The following CACNA1E variants were observed in gnomAD, a reference collection of about 807,000 sequenced individuals.
The protein encoded by CACNA1E is calcium voltage-gated channel subunit alpha1 E, also known as voltage-dependent R-type calcium channel subunit alpha-1E.
CACNA1E carries 40 observed loss-of-function variants against 259.2 expected under a neutral mutation model. The ratio of observed to expected loss-of-function variants is 0.15; its 90% CI spans 0.12 to 0.20. The LOEUF is 0.20. Among genes scored for constraint, CACNA1E ranks in the 10% least tolerant of loss-of-function variants. The probability of loss-of-function intolerance (pLI) is 1.00; values close to 1 mark genes in which losing one functional copy is unlikely to be tolerated. For missense variants in CACNA1E, 1,874 were observed against 3,040.1 expected (o/e 0.62, Z 9.02); for synonymous variants, 1,104 against 1,138.5 (o/e 0.97, Z 0.61).
chr1:181,332,642 G>A (rs1020268785), intron 1 of CACNA1E, among the ~76,000 whole-genome samples: 1 of 152,184 alleles, frequency 6.6e-6, no homozygotes, highest in Non-Finnish European at 1.5e-5. Flanking sequence ...TTTGGTGGGT[G>A]GGGAGCACAT....
chr1:181,571,703 C>G (rs1049571696), intron 3 of CACNA1E, among the ~76,000 whole-genome samples: 13 of 152,328 alleles, frequency 8.5e-5, no homozygotes, highest in South Asian at 4.1e-4. Context: ...AGCCTTTTCT[C>G]ACAGATGCTG....
At chr1:181,519,168 G>A (rs1214873967) in intron 3 of CACNA1E, among the ~76,000 whole-genome samples, 3 of 152,188 alleles carry the variant, frequency 2.0e-5, no homozygotes, top group African/African-American at 7.2e-5. Context: ...GGTGGATATG[G>A]CATAAATGCG....
At chr1:181,543,325 G>T (rs1403680327) in intron 3 of CACNA1E, among the ~76,000 whole-genome samples, 3 of 152,174 alleles carry the variant, frequency 2.0e-5, no homozygotes, top group African/African-American at 7.2e-5. Context: ...AGGTTCCTGA[G>T]TAAGAGCTTA....
chr1:181,787,918 T>TG (rs914366857), intron 43 of CACNA1E, among the ~76,000 whole-genome samples: 3 of 152,192 alleles, frequency 2.0e-5, no homozygotes, highest in Non-Finnish European at 4.4e-5. Context: ...GCTAGTACTT[T>TG]GGGGGCATTA....
chr1:181,498,234 G>T (rs959110953), intron 1 of CACNA1E, among the ~76,000 whole-genome samples: 1 of 152,150 alleles, frequency 6.6e-6, no homozygotes, highest in African/African-American at 2.4e-5. Context: ...GGGTTATAGA[G>T]AGACTGCAGA....
intron 2 of CACNA1E, among the ~76,000 whole-genome samples, chr1:181,457,055 A>G (rs1398603372): frequency 6.6e-6 from 1 of 152,250 alleles, no homozygotes; most frequent in East Asian, 1.9e-4. Flanking sequence ...AAAGTACCAC[A>G]AAGTAAGTGG....
intron 3 of CACNA1E, among the ~76,000 whole-genome samples, chr1:181,564,576 C>T (rs1649634904): frequency 6.6e-6 from 1 of 152,150 alleles, no homozygotes; most frequent in Admixed American, 6.6e-5. Flanking sequence ...CTTCCAAATT[C>T]TTGTTTATGT....
In CACNA1E at chr1:181,567,519, G is replaced by A. The variant is rs1363274748; in HGVS notation, c.513-10247G>A. ...ACCAACCAATCAGAAACAGGTCACT[G>A]CCCCATGACAGTTTTGAAGTGTGTG... On this transcript the variant is annotated intron_variant, in intron 3 of 47. Coordinates refer to ENST00000367573, the MANE Select transcript of CACNA1E (RefSeq NM_001205293.3). Among the ~76,000 whole-genome samples, 2 of 152,176 alleles carry A rather than the reference G, an allele frequency of 1.3e-5. 1 individual carries two copies. Among genetic ancestry groups the A allele is most frequent in the Admixed American group, 1.3e-4 (2 of 15,286 alleles).
chr1:181,733,374 A>G (rs1655701813), intron 20 of CACNA1E, 63 bp from the exon 21 acceptor site: 1 of 1,393,148 alleles, frequency 7.2e-7, no homozygotes, highest in Non-Finnish European at 9.7e-7. Context: ...CCCTTGTGCC[A>G]GGCACACCTG....
chr1:181,634,196 T>A (rs1223863737), intron 6 of CACNA1E, among the ~76,000 whole-genome samples: 1 of 152,228 alleles, frequency 6.6e-6, no homozygotes, highest in African/African-American at 2.4e-5. Context: ...CACTTTGCTC[T>A]TCTTTAAAAT....
intron 1 of CACNA1E, among the ~76,000 whole-genome samples, chr1:181,506,979 G>C (rs1390139605): frequency 1.3e-5 from 2 of 151,984 alleles, no homozygotes; most frequent in Non-Finnish European, 2.9e-5. Flanking sequence ...CTGAGGTCTA[G>C]ATGCCCTATA....
At chr1:181,473,734 T>C (rs577786057) in intron 2 of CACNA1E, among the ~76,000 whole-genome samples, 1 of 152,320 alleles carries the variant, frequency 6.6e-6, no homozygotes, top group African/African-American at 2.4e-5. Flanking sequence ...GAAATCTCTA[T>C]TCTCTAGCTC....
At chr1:181,773,694 G>A (rs560447004) in intron 37 of CACNA1E, among the ~76,000 whole-genome samples, 1 of 152,346 alleles carries the variant, frequency 6.6e-6, no homozygotes, top group African/African-American at 2.4e-5. Context: ...CCAGCTCACA[G>A]CTTCCAGGAA....
chr1:181,650,388 G>T (rs971757537), intron 6 of CACNA1E, among the ~76,000 whole-genome samples: 1 of 152,316 alleles, frequency 6.6e-6, no homozygotes, highest in Non-Finnish European at 1.5e-5. Flanking sequence ...CTTAGAGTTT[G>T]TGTGTGAGAG....
chr1:181,711,172 C>A, intron 8 of CACNA1E, 103 bp downstream of exon 8: 2 of 769,380 alleles, frequency 2.6e-6, no homozygotes, highest in Non-Finnish European at 4.5e-6. Context: ...CTAGACAAGA[C>A]AAGAGAGACA....
At chr1:181,434,479 G>A (rs1413533255) in intron 2 of CACNA1E, among the ~76,000 whole-genome samples, 1 of 151,884 alleles carries the variant, frequency 6.6e-6, no homozygotes, top group Non-Finnish European at 1.5e-5. Context: ...AATTTTAATG[G>A]GAGACATGAT....
At chr1:181,740,718 A>G (rs1262246716) in intron 25 of CACNA1E, among the ~76,000 whole-genome samples, 2 of 152,204 alleles carry the variant, frequency 1.3e-5, no homozygotes, top group African/African-American at 4.8e-5. Flanking sequence ...AGGTAATTCC[A>G]GTGTCCCTTG....
At chr1:181,781,913 C>T (rs1479495711) in intron 39 of CACNA1E, among the ~76,000 whole-genome samples, 1 of 152,064 alleles carries the variant, frequency 6.6e-6, no homozygotes, top group Admixed American at 6.6e-5. Flanking sequence ...TGCTCATATG[C>T]AAAGAAATAT....
intron 7 of CACNA1E, among the ~76,000 whole-genome samples, chr1:181,678,561 A>G (rs2102246151): frequency 6.6e-6 from 1 of 152,346 alleles, no homozygotes; most frequent in African/African-American, 2.4e-5. Flanking sequence ...ACTAACAAGG[A>G]CACACTGAAT....
Sources: gnomAD v4.1 joint callset for allele counts (sites outside exome capture counted in the v4.1 genomes callset) on GRCh38, gnomAD v4.1.1 for gene constraint, MANE v1.5 for transcripts, NCBI Gene and HGNC (gene_info 2026-07-23, HGNC 2026-07-21) for gene names.